MARCHF3: variants seen among roughly 807,000 people sequenced by gnomAD.
MARCHF3 encodes the protein E3 ubiquitin-protein ligase MARCHF3.
Under a neutral mutation model 24.2 loss-of-function variants are expected in MARCHF3, and 13 were observed. The ratio of observed to expected loss-of-function variants is 0.54; its 90% CI spans 0.35 to 0.85. MARCHF3 has a LOEUF of 0.85. Among genes scored for constraint, MARCHF3 ranks in the 40% least tolerant of loss-of-function variants. The pLI is 0.01. For synonymous variants in MARCHF3, 144 were observed against 137.3 expected (o/e 1.05, Z -0.34); for missense variants, 276 against 325.0 (o/e 0.85, Z 1.16).
intron 1 of MARCHF3, among the ~76,000 whole-genome samples, chr5:127,023,887 G>T (rs1304111423): frequency 6.6e-6 from 1 of 152,052 alleles, no homozygotes; most frequent in Non-Finnish European, 1.5e-5. Flanking sequence ...CTCTTCAAAG[G>T]CCCCTAAACC....
chr5:126,927,109 C>G (rs557947997), intron 1 of MARCHF3, among the ~76,000 whole-genome samples: 2 of 152,304 alleles, frequency 1.3e-5, no homozygotes, highest in Admixed American at 6.5e-5. Flanking sequence ...GGCTTCCCTC[C>G]TCTAAACCCC....
chr5:126,883,488 A>C (rs1317441563), intron 3 of MARCHF3, among the ~76,000 whole-genome samples: 2 of 152,156 alleles, frequency 1.3e-5, no homozygotes, highest in Non-Finnish European at 2.9e-5. Flanking sequence ...CAATAAATAA[A>C]CAAACTAGAA....
chr5:127,019,152 C>T (rs1350672909), intron 1 of MARCHF3, among the ~76,000 whole-genome samples: 3 of 152,108 alleles, frequency 2.0e-5, no homozygotes, highest in Admixed American at 6.5e-5. Flanking sequence ...TATTGTGGTT[C>T]TACTCAGAAT....
intron 3 of MARCHF3, among the ~76,000 whole-genome samples, chr5:126,909,310 G>GAGGC (rs1439323330): frequency 1.3e-5 from 2 of 152,252 alleles, no homozygotes; most frequent in Admixed American, 1.3e-4. Context: ...GGAGCCTATA[G>GAGGC]AGGCAGGCAG....
intron 1 of MARCHF3, among the ~76,000 whole-genome samples, chr5:127,005,338 G>C (rs1001780506): frequency 6.6e-6 from 1 of 151,984 alleles, no homozygotes; most frequent in Non-Finnish European, 1.5e-5. Context: ...GTTTCACCAT[G>C]TTGGCCAGGC....
At chr5:127,013,901 C>T (rs1338004235) in intron 1 of MARCHF3, among the ~76,000 whole-genome samples, 3 of 152,128 alleles carry the variant, frequency 2.0e-5, no homozygotes, top group Admixed American at 6.5e-5. Context: ...AAAATCTACT[C>T]AAAATGGATT....
intron 1 of MARCHF3, among the ~76,000 whole-genome samples, chr5:126,960,856 T>C (rs939471078): frequency 3.9e-5 from 6 of 152,146 alleles, no homozygotes; most frequent in Non-Finnish European, 5.9e-5. Flanking sequence ...ACCTGACTCC[T>C]TAACCCTTAT....
chr5:126,990,638 A>T (rs1751723429), intron 1 of MARCHF3, among the ~76,000 whole-genome samples: 1 of 152,222 alleles, frequency 6.6e-6, no homozygotes, highest in Admixed American at 6.5e-5. Flanking sequence ...AAATTTTTGC[A>T]ATCTATCCAT....
intron 1 of MARCHF3, among the ~76,000 whole-genome samples, chr5:127,003,496 A>G (rs146693917): frequency 0.051 from 7,709 of 151,286 alleles, 358 homozygotes; most frequent in South Asian, 0.13. Context: ...TCACGCCTGT[A>G]ATCCCAGCAC....
In MARCHF3 at chr5:126,962,238, C is replaced by G. The variant is rs548402573; in HGVS notation, c.-56-44011G>C. Among the ~76,000 whole-genome samples, 8 of 151,780 alleles carry G rather than the reference C, an allele frequency of 5.3e-5. No individual in the cohort carries two copies. In the South Asian group the frequency reaches 1.7e-3, roughly 32 times the overall value. On this transcript the variant is annotated intron_variant, in intron 1 of 4. Transcript: ENST00000308660. ...TATATATCTATATCTATATATCTCT[C>G]TCTCTATATATATATATCTCTGCAG...
At chr5:126,922,617 G>A (rs960822141) in intron 1 of MARCHF3, among the ~76,000 whole-genome samples, 43 of 151,818 alleles carry the variant, frequency 2.8e-4, no homozygotes, top group African/African-American at 9.9e-4. Flanking sequence ...CGTGATCTCC[G>A]CTCACTGCAA....
At chr5:126,886,896 C>T (rs1753526925) in intron 3 of MARCHF3, among the ~76,000 whole-genome samples, 1 of 152,182 alleles carries the variant, frequency 6.6e-6, no homozygotes, top group Admixed American at 6.5e-5. Context: ...CCCCTTCCCC[C>T]TATATCCAGT....
At position 126,868,209 on chromosome 5, in the gene MARCHF3, T is replaced by C. The variant is rs1335250463; in HGVS notation, c.*2424A>G. On this transcript the variant is annotated 3_prime_UTR_variant, in exon 5 of 5. Coordinates refer to ENST00000308660, the MANE Select transcript of MARCHF3 (RefSeq NM_178450.5). ...CCCCTTCCTGCAGGAGGTGTAGCCC[T>C]TTCCATGGGGCAAGGCTTGGAGGGG... is the stretch of plus-strand genomic sequence containing the variant. 1 of 152,182 alleles carries C rather than the reference T, an allele frequency of 6.6e-6. No individual in the cohort carries two copies. The highest frequency in any genetic ancestry group is 1.5e-5 in the Non-Finnish European group (1 of 68,066). The allele number at this position is 152,182 out of a possible 1,614,324, so 9.4% of individuals were successfully genotyped here.
intron 3 of MARCHF3, among the ~76,000 whole-genome samples, chr5:126,912,021 G>T (rs1754551548): frequency 1.3e-5 from 2 of 152,250 alleles, no homozygotes; most frequent in Non-Finnish European, 2.9e-5. Context: ...CAGTGGCTAA[G>T]TGAGGAGGGC....
At chr5:126,940,500 T>C (rs1274235581) in intron 1 of MARCHF3, among the ~76,000 whole-genome samples, 2 of 151,960 alleles carry the variant, frequency 1.3e-5, no homozygotes, top group East Asian at 3.9e-4. Flanking sequence ...CGGGCTGGGG[T>C]GTAGTGGTGT....
chr5:126,943,994 A>G (rs1259690227), intron 1 of MARCHF3, among the ~76,000 whole-genome samples: 1 of 151,744 alleles, frequency 6.6e-6, no homozygotes. Context: ...TGTATTTTTA[A>G]TAGAGACAGG....
chr5:126,996,746 A>G (rs189788381), intron 1 of MARCHF3, among the ~76,000 whole-genome samples: 1 of 152,270 alleles, frequency 6.6e-6, no homozygotes, highest in Non-Finnish European at 1.5e-5. Context: ...GTTCATCAAC[A>G]GGGAACTGAT....
At chr5:127,005,133 C>CTT (rs937505290) in intron 1 of MARCHF3, among the ~76,000 whole-genome samples, 2,817 of 122,156 alleles carry the variant, frequency 0.023, 171 homozygotes, top group African/African-American at 0.067. Context: ...CTCAGAAAGT[C>CTT]TTTTTTTTTT....
intron 3 of MARCHF3, among the ~76,000 whole-genome samples, chr5:126,891,316 G>T (rs1344073136): frequency 2.8e-5 from 4 of 141,388 alleles, no homozygotes; most frequent in African/African-American, 8.0e-5. Flanking sequence ...GTCAATTTTG[G>T]CTTTTGTTGC....
Sources: gnomAD v4.1 joint callset for allele counts (sites outside exome capture counted in the v4.1 genomes callset) on GRCh38, gnomAD v4.1.1 for gene constraint, MANE v1.5 for transcripts, NCBI Gene and HGNC (gene_info 2026-07-23, HGNC 2026-07-21) for gene names.